Variants in AP3S1 observed in about 807,000 individuals in gnomAD.
AP3S1 encodes AP-3 complex subunit sigma-1.
A neutral mutation model predicts 21.3 loss-of-function variants in AP3S1; 12 were observed. The observed-to-expected ratio is 0.56, with a 90% CI of 0.36 to 0.91. AP3S1 has a LOEUF of 0.91. Among genes scored for constraint, AP3S1 ranks in the 40% least tolerant of loss-of-function variants. AP3S1 has a pLI of 0.01. For missense variants in AP3S1, 116 were observed against 225.0 expected, an observed-to-expected ratio of 0.52 and a Z score of 3.10; for synonymous variants, 48 against 78.4, an observed-to-expected ratio of 0.61 and a Z score of 2.05.
chr5:115,906,018 C>T (rs1317271392), intron 5 of AP3S1, among the ~76,000 whole-genome samples: 1 of 152,098 alleles, frequency 6.6e-6, no homozygotes, highest in South Asian at 2.1e-4. Context: ...ATTATCCAGG[C>T]ATGGTGGCAC....
chr5:115,844,358 G>A (rs1761901583), intron 1 of AP3S1, among the ~76,000 whole-genome samples: 2 of 151,840 alleles, frequency 1.3e-5, no homozygotes, highest in African/African-American at 4.8e-5. Context: ...TACGTGCTGT[G>A]GAAAAAAAAA....
At chr5:115,872,739 A>G (rs1456813733) in intron 3 of AP3S1, among the ~76,000 whole-genome samples, 1 of 151,972 alleles carries the variant, frequency 6.6e-6, no homozygotes, top group Non-Finnish European at 1.5e-5. Flanking sequence ...ATGACATTGA[A>G]GGGTTGATCA....
intron 5 of AP3S1, among the ~76,000 whole-genome samples, chr5:115,905,869 G>A (rs576107777): frequency 5.5e-4 from 83 of 152,270 alleles, no homozygotes; most frequent in African/African-American, 1.9e-3. Context: ...TTAATGACTT[G>A]TTTGGCTGGG....
intron 1 of AP3S1, among the ~76,000 whole-genome samples, chr5:115,856,022 A>G (rs1762776601): frequency 2.0e-5 from 3 of 152,120 alleles, no homozygotes. Flanking sequence ...TCATTACTAC[A>G]TTAAGAAATA....
At chr5:115,893,952 A>G (rs1175030474) in intron 3 of AP3S1, among the ~76,000 whole-genome samples, 1 of 152,248 alleles carries the variant, frequency 6.6e-6, no homozygotes, top group African/African-American at 2.4e-5. Context: ...AGAAATGGGA[A>G]TAGAATAGTC....
At chr5:115,843,989 A>G (rs754911876) in intron 1 of AP3S1, among the ~76,000 whole-genome samples, 5 of 152,234 alleles carry the variant, frequency 3.3e-5, no homozygotes, top group Admixed American at 1.3e-4. Flanking sequence ...ACAGAGCTAG[A>G]AGATATAAAA....
chr5:115,883,361 G>A (rs964244332), intron 3 of AP3S1, among the ~76,000 whole-genome samples: 2 of 152,230 alleles, frequency 1.3e-5, no homozygotes, highest in East Asian at 1.9e-4. Flanking sequence ...CTCCTGGTCT[G>A]CGGGTTGCAA....
At chr5:115,909,042 C>G (rs558910019) in intron 5 of AP3S1, 2 of 942,656 alleles carry the variant, frequency 2.1e-6, no homozygotes, top group Admixed American at 1.2e-4. Flanking sequence ...GGTTTTAATA[C>G]GTACAGTTTG....
chr5:115,874,767 A>AT (rs540229687), intron 3 of AP3S1, among the ~76,000 whole-genome samples: 21 of 150,388 alleles, frequency 1.4e-4, no homozygotes, highest in Non-Finnish European at 2.5e-4. Context: ...ATAGACCTTA[A>AT]TTTTTTTTTT....
At chr5:115,883,515 C>A (rs1056197989) in intron 3 of AP3S1, among the ~76,000 whole-genome samples, 12 of 152,178 alleles carry the variant, frequency 7.9e-5, no homozygotes, top group African/African-American at 2.4e-4. Context: ...TGCTTCTGCT[C>A]ACCCTTTGTT....
intron 2 of AP3S1, among the ~76,000 whole-genome samples, chr5:115,868,490 C>T (rs1747896380): frequency 6.6e-6 from 1 of 151,604 alleles, no homozygotes; most frequent in African/African-American, 2.4e-5. Flanking sequence ...TGTCAAAGAT[C>T]ATTTCTCCTT....
At chr5:115,902,652 G>A (rs917774382) in intron 4 of AP3S1, among the ~76,000 whole-genome samples, 1 of 152,110 alleles carries the variant, frequency 6.6e-6, no homozygotes, top group Non-Finnish European at 1.5e-5. Flanking sequence ...GTCCTATGAA[G>A]GTAGTACTAT....
chr5:115,908,947 A>G, intron 5 of AP3S1: 1 of 975,618 alleles, frequency 1.0e-6, no homozygotes, highest in Non-Finnish European at 1.2e-6. Flanking sequence ...TATTGTGTTT[A>G]TTAATGTTGG....
chr5:115,898,371 ACATGCTAATAACTGTAT>A (rs1337599826), intron 4 of AP3S1, among the ~76,000 whole-genome samples: 2 of 152,322 alleles, frequency 1.3e-5, no homozygotes, highest in East Asian at 3.9e-4. Context: ...ATAAATCTTT[ACATGCTAATAACTGTAT>A]CAATCACATA....
chr5:115,852,696 A>T (rs538220696), intron 1 of AP3S1, among the ~76,000 whole-genome samples: 6 of 152,150 alleles, frequency 3.9e-5, no homozygotes, highest in African/African-American at 1.4e-4. Flanking sequence ...TGAACATTCT[A>T]TATAAATGGA....
At chr5:115,900,101 C>T (rs1751082587) in intron 4 of AP3S1, among the ~76,000 whole-genome samples, 1 of 151,904 alleles carries the variant, frequency 6.6e-6, no homozygotes, top group Non-Finnish European at 1.5e-5. Context: ...ATATTCAATA[C>T]ACTAAAAGTG....
chr5:115,880,718 A>G (rs1034433232), intron 3 of AP3S1, among the ~76,000 whole-genome samples: 14 of 152,268 alleles, frequency 9.2e-5, no homozygotes, highest in African/African-American at 3.1e-4. Flanking sequence ...TATTAGGTCC[A>G]CTTGGTCCAC....
chr5:115,894,940 C>CT (rs1480745111), intron 3 of AP3S1, 147 bp from the exon 4 acceptor site: 5 of 529,254 alleles, frequency 9.4e-6, no homozygotes, highest in Non-Finnish European at 1.7e-5. Flanking sequence ...TCTTTTTTTA[C>CT]TTTTTTTGCA....
chr5:115,903,050 T>C, intron 5 of AP3S1, 58 bp downstream of exon 5: 1 of 1,250,924 alleles, frequency 8.0e-7, no homozygotes, highest in Admixed American at 1.9e-5. Flanking sequence ...AGATTACGCA[T>C]GATTTGTAGT....
Sources: gnomAD v4.1 joint callset for allele counts (sites outside exome capture counted in the v4.1 genomes callset) on GRCh38, gnomAD v4.1.1 for gene constraint, MANE v1.5 for transcripts, NCBI Gene and HGNC (gene_info 2026-07-23, HGNC 2026-07-21) for gene names.